The following TRIM61 variants were observed in gnomAD, a reference collection of about 807,000 sequenced individuals.
TRIM61 encodes the protein putative tripartite motif-containing protein 61.
In TRIM61, 1 loss-of-function variant was observed where a neutral mutation model predicts 14.2. The observed-to-expected ratio is 0.07, with a 90% CI of 0.03 to 0.33. The LOEUF (loss-of-function observed/expected upper bound fraction) is 0.33, where lower values mean the gene tolerates loss of function less well. TRIM61 is among the 10% of genes least tolerant of loss of function. TRIM61 has a pLI of 0.99. For synonymous variants in TRIM61, 8 were observed against 71.6 expected (o/e 0.11, Z 4.49); for missense variants, 19 against 202.2 (o/e 0.09, Z 5.49).
At chr4:164,957,216 C>G (rs773063146) in intron 3 of TRIM61, 6 of 1,613,892 alleles carry the variant, frequency 3.7e-6, no homozygotes, top group Non-Finnish European at 5.1e-6. Flanking sequence ...CATCCAGGGA[C>G]GACCACATTC....
chr4:164,974,145 G>A (rs1214449451), intron 2 of TRIM61, among the ~76,000 whole-genome samples: 3 of 152,214 alleles, frequency 2.0e-5, no homozygotes, highest in African/African-American at 7.2e-5. Flanking sequence ...ACTCCAGCCT[G>A]AGCAACAGAG....
chr4:164,963,518 C>CA (rs966484958), intron 3 of TRIM61, among the ~76,000 whole-genome samples: 1 of 151,990 alleles, frequency 6.6e-6, no homozygotes, highest in African/African-American at 2.4e-5. Context: ...CCAAGGCACG[C>CA]AGATCACCTG....
intron 3 of TRIM61, among the ~76,000 whole-genome samples, chr4:164,963,802 A>G (rs1732185197): frequency 6.6e-6 from 1 of 152,088 alleles, no homozygotes; most frequent in Non-Finnish European, 1.5e-5. Context: ...ACAAAATTAT[A>G]ATAGATATTA....
At chr4:164,960,065 A>ATATGAGGAAACACGGGGGAATG (rs1560883069) in intron 3 of TRIM61, among the ~76,000 whole-genome samples, 1 of 152,214 alleles carries the variant, frequency 6.6e-6, no homozygotes. Flanking sequence ...GAGGAAGATT[A>ATATGAGGAAACACGGGGGAATG]TATGAGGAAA....
intron 3 of TRIM61, chr4:164,968,751 T>C (rs549737394): frequency 3.1e-6 from 3 of 981,088 alleles, no homozygotes; most frequent in Non-Finnish European, 3.6e-6. Context: ...TCTAAAAAAA[T>C]GCCAATCTTA....
intron 3 of TRIM61, among the ~76,000 whole-genome samples, chr4:164,960,185 C>A (rs1047191187): frequency 6.6e-6 from 1 of 152,088 alleles, no homozygotes; most frequent in Admixed American, 6.6e-5. Context: ...TCACAGCCCT[C>A]AGAACAAACC....
At chr4:164,957,251 T>C (rs1553977520) in intron 3 of TRIM61, 10 of 1,613,954 alleles carry the variant, frequency 6.2e-6, no homozygotes, top group South Asian at 4.4e-5. Context: ...GCTCCACCAA[T>C]CCTGGGAGAA....
At chr4:164,968,406 C>T in intron 3 of TRIM61, 1 of 984,302 alleles carries the variant, frequency 1.0e-6, no homozygotes, top group African/African-American at 1.7e-5. Flanking sequence ...TACCTTGTCA[C>T]TGACCCCATA....
At position 164,961,173 on chromosome 4, in the gene TRIM61, A is replaced by G. The variant is rs1351476092; in HGVS notation, c.526-6077T>C. Reference sequence around the variant, plus strand: ...TCAGGCAAAAAAAAAAAAAAAAAAAAAAAAAAAAAAAAAAAAAAAAGAAAG... The same window carrying G: ...TCAGGCAAAAAAAAAAAAAAAAAAAGAAAAAAAAAAAAAAAAAAAAGAAAG... On this transcript the variant is annotated intron_variant, in intron 3 of 4. Transcript: ENST00000329314. 6.9e-3 allele frequency among the ~76,000 whole-genome samples: 689 copies of G among 99,814 alleles called. 1 individual carries two copies. In the East Asian group the frequency reaches 0.08, roughly 12 times the overall value. The allele number at this position is 99,814 out of a possible 152,430, so 65.5% of individuals were successfully genotyped here. A position where few individuals can be genotyped will look rare whatever the true frequency, so the allele number is the denominator to read the frequency against.
At chr4:164,962,103 G>T (rs1732149023) in intron 3 of TRIM61, among the ~76,000 whole-genome samples, 1 of 152,088 alleles carries the variant, frequency 6.6e-6, no homozygotes, top group Admixed American at 6.5e-5. Context: ...GTGGTCAGTG[G>T]GTGAAACACT....
At chr4:164,961,379 CTTA>C in intron 3 of TRIM61, among the ~76,000 whole-genome samples, 1 of 151,482 alleles carries the variant, frequency 6.6e-6, no homozygotes, top group Admixed American at 6.6e-5. Flanking sequence ...CCTTAACACA[CTTA>C]GGGAAATAAT....
At chr4:164,967,856 G>C (rs895717611) in intron 3 of TRIM61, among the ~76,000 whole-genome samples, 6 of 151,262 alleles carry the variant, frequency 4.0e-5, no homozygotes, top group African/African-American at 1.5e-4. Context: ...AAAAAAGGCT[G>C]AAAGTAGCTA....
At chr4:164,957,392 G>A in intron 3 of TRIM61, 1 of 1,614,098 alleles carries the variant, frequency 6.2e-7, no homozygotes, top group Non-Finnish European at 8.5e-7. Flanking sequence ...ACCAGGAAAA[G>A]TCAGGAAGAG....
intron 3 of TRIM61, among the ~76,000 whole-genome samples, chr4:164,965,988 A>G (rs1732231334): frequency 6.6e-6 from 1 of 152,226 alleles, no homozygotes; most frequent in Admixed American, 6.5e-5. Flanking sequence ...ATGGAAAAAC[A>G]TAAAGACAGG....
chr4:164,967,277 C>T (rs1408871235), intron 3 of TRIM61, among the ~76,000 whole-genome samples: 1 of 152,198 alleles, frequency 6.6e-6, no homozygotes, highest in African/African-American at 2.4e-5. Context: ...TGTCTACTGA[C>T]ATGTTGTCAA....
At chr4:164,966,647 T>C (rs373043297) in intron 3 of TRIM61, among the ~76,000 whole-genome samples, 15 of 152,330 alleles carry the variant, frequency 9.8e-5, no homozygotes, top group African/African-American at 2.4e-4. Context: ...GTGCAGTGGT[T>C]CATGTCTGTA....
In TRIM61 at chr4:164,971,468, A is replaced by G. The variant is rs77218029; in HGVS notation, c.-337-1129T>C. Among the ~76,000 whole-genome samples the G allele has an allele frequency of 2.1e-3, 313 of 151,602 alleles. 10 individuals are homozygous for G. In the East Asian group the frequency reaches 0.054, roughly 26 times the overall value. ...TAGCTGGGTGTGGTGGCACATGCCT[A>G]TAATCCCAGCTACTCAGGAGGCTGA... On this transcript the variant is annotated intron_variant, in intron 2 of 4. Coordinates refer to ENST00000329314, the MANE Select transcript of TRIM61 (RefSeq NM_001012414.3).
intron 3 of TRIM61, among the ~76,000 whole-genome samples, chr4:164,967,040 A>C (rs1732258840): frequency 6.6e-6 from 1 of 152,232 alleles, no homozygotes; most frequent in Non-Finnish European, 1.5e-5. Flanking sequence ...AATGGAATCT[A>C]AACAAGAGCT....
intron 3 of TRIM61, chr4:164,958,677 T>TGGTA (rs142528185): frequency 6.0e-6 from 1 of 167,186 alleles, no homozygotes; most frequent in African/African-American, 2.4e-5. Flanking sequence ...AGATGAAAGA[T>TGGTA]GGTATTACAC....
Sources: gnomAD v4.1 joint callset for allele counts (sites outside exome capture counted in the v4.1 genomes callset) on GRCh38, gnomAD v4.1.1 for gene constraint, MANE v1.5 for transcripts, NCBI Gene and HGNC (gene_info 2026-07-23, HGNC 2026-07-21) for gene names.